Variants in TUSC3 observed in about 807,000 individuals in gnomAD.
The protein encoded by TUSC3 is dolichyl-diphosphooligosaccharide--protein glycosyltransferase subunit TUSC3.
TUSC3 carries 45 observed loss-of-function variants against 44.8 expected under a neutral mutation model. That is an observed-to-expected ratio of 1.00 (90% confidence interval 0.79 to 1.29). The LOEUF (loss-of-function observed/expected upper bound fraction) is 1.29, where lower values mean the gene tolerates loss of function less well. Ranked by LOEUF, TUSC3 falls within the 50% of genes most tolerant of loss-of-function variation. The pLI, the probability that TUSC3 is intolerant of heterozygous loss-of-function variation, is 0.00. For synonymous variants in TUSC3, 212 were observed against 152.9 expected (o/e 1.39, Z -2.85); for missense variants, 519 against 437.9 (o/e 1.19, Z -1.65).
At chr8:15,520,045 A>G (rs1250717541) in intron 2 of TUSC3, among the ~76,000 whole-genome samples, 2 of 152,132 alleles carry the variant, frequency 1.3e-5, no homozygotes, top group East Asian at 3.9e-4. Context: ...CCCAGTGTGT[A>G]CCTAATAAGA....
the TUSC3 span, among the ~76,000 whole-genome samples, chr8:15,781,567 G>T: frequency 6.6e-6 from 1 of 151,908 alleles, no homozygotes; most frequent in African/African-American, 2.4e-5. Flanking sequence ...GAAGGAAGTG[G>T]GATGATAAAA....
At chr8:15,559,534 C>T (rs1802380505) in intron 1 of TUSC3, among the ~76,000 whole-genome samples, 1 of 141,840 alleles carries the variant, frequency 7.1e-6, no homozygotes, top group East Asian at 2.2e-4. Flanking sequence ...TGGTGCAGAG[C>T]TGAGTTCTAT....
chr8:15,424,058 T>G (rs890678382), intron 1 of TUSC3, among the ~76,000 whole-genome samples: 1 of 142,828 alleles, frequency 7.0e-6, no homozygotes, highest in Admixed American at 7.5e-5. Context: ...TGGTGCTATC[T>G]TGGCTCACTG....
rs932679034 is a variant in TUSC3 at position 15,743,697 on chromosome 8, T to C, written c.937+85T>C. 9 of 1,416,128 alleles carry C rather than the reference T, an allele frequency of 6.4e-6. No homozygotes were observed. In the East Asian group the frequency reaches 1.6e-4, roughly 25 times the overall value. The allele number at this position is 1,416,128 out of a possible 1,614,324, so 87.7% of individuals were successfully genotyped here. ...AAATGGGAAATACATAAAAGCCCTTTGTAAACAAACTTCTAAAGAAATGTT... is the reference window on the plus strand; with the variant it reads ...AAATGGGAAATACATAAAAGCCCTTCGTAAACAAACTTCTAAAGAAATGTT... On this transcript the variant is annotated intron_variant, in intron 8 of 10. Coordinates refer to ENST00000503731, the MANE Select transcript of TUSC3 (RefSeq NM_006765.4).
At position 15,766,480 on chromosome 8, in the gene TUSC3, ATTATATGT is replaced by A. The variant is rs1440538171; in HGVS notation, c.*2328_*2335del. The A allele has an allele frequency of 6.6e-6, 1 of 152,090 alleles. No homozygotes were observed. The highest frequency in any genetic ancestry group is 1.5e-5 in the Non-Finnish European group (1 of 67,996). 9.4% of individuals were successfully genotyped at this position (152,090 alleles called of 1,614,324 possible). The stretch of plus-strand genomic sequence containing the variant: ...GCGTTCCAAACTGTCATAAAAATTG[ATTATATGT>A]TTAACAATTGTTTTTCTACTACAGT... On this transcript the variant is annotated 3_prime_UTR_variant, in exon 11 of 11. Transcript: ENST00000503731.
At chr8:15,671,208 G>T (rs920448184) in intron 5 of TUSC3, among the ~76,000 whole-genome samples, 1 of 151,986 alleles carries the variant, frequency 6.6e-6, no homozygotes, top group Non-Finnish European at 1.5e-5. Flanking sequence ...GGCAGGTTAT[G>T]TAGATTATGA....
At chr8:15,667,128 C>T (rs1418153776) in intron 5 of TUSC3, among the ~76,000 whole-genome samples, 1 of 151,560 alleles carries the variant, frequency 6.6e-6, no homozygotes, top group Non-Finnish European at 1.5e-5. Context: ...CACGGCTCAT[C>T]TCCTTAATCC....
At chr8:15,419,249 C>G (rs993687303) in intron 1 of TUSC3, among the ~76,000 whole-genome samples, 3 of 152,164 alleles carry the variant, frequency 2.0e-5, no homozygotes, top group African/African-American at 7.2e-5. Flanking sequence ...AAAATACTTT[C>G]ACCAATTGTC....
At chr8:15,651,181 G>GT (rs1052647072) in intron 3 of TUSC3, among the ~76,000 whole-genome samples, 2 of 152,112 alleles carry the variant, frequency 1.3e-5, no homozygotes, top group Admixed American at 6.5e-5. Flanking sequence ...GAGGAAATGT[G>GT]TTTTTTCAGC....
At chr8:15,653,590 GT>G (rs1807016032) in intron 3 of TUSC3, among the ~76,000 whole-genome samples, 1 of 152,150 alleles carries the variant, frequency 6.6e-6, no homozygotes, top group African/African-American at 2.4e-5. Context: ...AGGAATCCTG[GT>G]GTAGAACTGC....
chr8:15,623,341 A>T (rs1286488991), intron 2 of TUSC3, 92 bp downstream of exon 2: 1 of 1,292,232 alleles, frequency 7.7e-7, no homozygotes, highest in African/African-American at 1.5e-5. Context: ...TATGTAAGAT[A>T]AACAGTTGTT....
At chr8:15,575,161 A>ATT (rs35391028) in intron 1 of TUSC3, among the ~76,000 whole-genome samples, 8 of 151,530 alleles carry the variant, frequency 5.3e-5, no homozygotes, top group South Asian at 2.1e-4. Flanking sequence ...CGATAGATGT[A>ATT]TTTTTTTTGC....
At chr8:15,473,718 G>A (rs536430929) in intron 1 of TUSC3, among the ~76,000 whole-genome samples, 6 of 152,236 alleles carry the variant, frequency 3.9e-5, no homozygotes, top group Non-Finnish European at 8.8e-5. Flanking sequence ...CAAGTACAGG[G>A]AGTGGGTCAC....
intron 1 of TUSC3, among the ~76,000 whole-genome samples, chr8:15,476,343 C>T (rs1247117696): frequency 6.6e-6 from 1 of 152,052 alleles, no homozygotes; most frequent in Non-Finnish European, 1.5e-5. Context: ...TATACTTTAT[C>T]CTTTTTGTAT....
At chr8:15,488,751 T>C (rs993377688) in intron 2 of TUSC3, among the ~76,000 whole-genome samples, 3 of 152,180 alleles carry the variant, frequency 2.0e-5, no homozygotes, top group Non-Finnish European at 4.4e-5. Context: ...GTGCAGACTG[T>C]AAGCCAGGAA....
rs147993218 is a variant in TUSC3 at position 15,731,977 on chromosome 8, C to A, written c.862+1248C>A. Among the ~76,000 whole-genome samples the A allele has an allele frequency of 1.5e-3, 233 of 152,226 alleles. 3 individuals carry two copies. The highest frequency in any genetic ancestry group is 3.4e-3 in the Admixed American group (52 of 15,286). On this transcript the variant is annotated intron_variant, in intron 7 of 10. Coordinates refer to ENST00000503731, the MANE Select transcript of TUSC3 (RefSeq NM_006765.4). The stretch of plus-strand genomic sequence containing the variant: ...AAATGTTTGAAGCACTTGGAATTCT[C>A]AAGAAACTCAAAGACTTCCTCGTTT...
intron 6 of TUSC3, among the ~76,000 whole-genome samples, chr8:15,677,532 C>T (rs1808244112): frequency 6.6e-6 from 1 of 152,194 alleles, no homozygotes; most frequent in Non-Finnish European, 1.5e-5. Flanking sequence ...GTTACTTATT[C>T]TCTCTGTTCT....
chr8:15,776,007 T>A, the TUSC3 span, among the ~76,000 whole-genome samples: 1 of 152,048 alleles, frequency 6.6e-6, no homozygotes, highest in Non-Finnish European at 1.5e-5. Context: ...TAAATTTTAC[T>A]GTATAGTTTG....
the TUSC3 span, among the ~76,000 whole-genome samples, chr8:15,821,738 C>T: frequency 1.3e-5 from 2 of 151,928 alleles, no homozygotes; most frequent in African/African-American, 4.8e-5. Flanking sequence ...TTTTATTTGC[C>T]TTAGAGAGCC....
Sources: allele counts gnomAD v4.1 joint callset (sites outside exome capture counted in the v4.1 genomes callset), GRCh38; gene constraint gnomAD v4.1.1; transcripts MANE v1.5; gene names NCBI Gene and HGNC (gene_info 2026-07-23, HGNC 2026-07-21).